The following PRKN variants were observed in gnomAD, a reference collection of about 807,000 sequenced individuals.
PRKN encodes E3 ubiquitin-protein ligase parkin.
A neutral mutation model predicts 59.5 loss-of-function variants in PRKN; 56 were observed. The ratio of observed to expected loss-of-function variants is 0.94; its 90% CI spans 0.76 to 1.18. The LOEUF is 1.18. Among genes scored for constraint, PRKN ranks in the 50% most tolerant of loss-of-function variants. PRKN has a pLI of 0.00. For synonymous variants in PRKN, 250 were observed against 222.1 expected (o/e 1.13, Z -1.12); for missense variants, 657 against 596.4 (o/e 1.10, Z -1.06).
rs1453293618 is a variant in PRKN at position 161,566,556 on chromosome 6, GCCA to G, written c.933+2796_933+2798del. Among the ~76,000 whole-genome samples, 7 of 151,914 alleles carry G rather than the reference GCCA, an allele frequency of 4.6e-5. No individual in the cohort carries two copies. Among genetic ancestry groups the G allele is most frequent in the African/African-American group, 7.3e-5 (3 of 41,366 alleles). Reference sequence around the variant, plus strand: ...TGAGTAGCTGAGATTACAGGCGCCCGCCACCACACCCAGCTAACTTCTGTATTT... The same window carrying G: ...TGAGTAGCTGAGATTACAGGCGCCCGCCACACCCAGCTAACTTCTGTATTT... On this transcript the variant is annotated intron_variant, in intron 8 of 11. Transcript: ENST00000366898. This position sits in a 1 kb window ranked among gnomAD's most constrained non-coding sequence, Gnocchi z 4.1.
At chr6:162,227,796 C>A (rs1190828231) in intron 3 of PRKN, among the ~76,000 whole-genome samples, 1 of 152,116 alleles carries the variant, frequency 6.6e-6, no homozygotes, top group Admixed American at 6.5e-5. Flanking sequence ...TGCATTCTCA[C>A]CATCCCTAGT....
chr6:162,722,191 T>G (rs1381883648), intron 1 of PRKN, among the ~76,000 whole-genome samples: 1 of 152,182 alleles, frequency 6.6e-6, no homozygotes, highest in Non-Finnish European at 1.5e-5. Flanking sequence ...ATCTAATACA[T>G]ATGGTATAAA....
intron 7 of PRKN, chr6:161,716,010 G>T (rs1583045588): frequency 1.2e-6 from 1 of 851,526 alleles, no homozygotes; most frequent in East Asian, 5.4e-5. Flanking sequence ...TATTTAACAA[G>T]CTCTTCTGGG....
At chr6:162,233,324 G>C (rs6455804) in intron 3 of PRKN, among the ~76,000 whole-genome samples, 63,313 of 151,782 alleles carry the variant, frequency 0.42, 15,047 homozygotes, top group East Asian at 0.78. Flanking sequence ...GATACATTAA[G>C]GAATGTATTG....
chr6:161,359,964 A>G lies in PRKN; in HGVS notation c.1285+124T>C. The G allele has an allele frequency of 2.6e-6, 2 of 769,984 alleles. No homozygotes were observed. Among genetic ancestry groups the G allele is most frequent in the Non-Finnish European group, 4.7e-6 (2 of 422,698 alleles). The allele number at this position is 769,984 out of a possible 1,614,324, so 47.7% of individuals were successfully genotyped here. ...TAGTGATAATGGGTAACATTAATCG[A>G]GGGGTTACCCAACACACCAGGCACC... On this transcript the variant is annotated intron_variant, in intron 11 of 11. Coordinates refer to ENST00000366898, the MANE Select transcript of PRKN (RefSeq NM_004562.3). The surrounding 1 kb of genome is among the most constrained non-coding windows in gnomAD (Gnocchi z 5.4).
chr6:162,170,807 G>T (rs1448713123), intron 4 of PRKN, among the ~76,000 whole-genome samples: 1 of 152,128 alleles, frequency 6.6e-6, no homozygotes, highest in Non-Finnish European at 1.5e-5. Context: ...TACACGAATG[G>T]GCTGCACAGG....
intron 1 of PRKN, among the ~76,000 whole-genome samples, chr6:162,535,930 G>A (rs1367643259): frequency 2.0e-5 from 3 of 151,554 alleles, no homozygotes; most frequent in Non-Finnish European, 4.4e-5. Flanking sequence ...AAAGAATTTG[G>A]TCTGAGCCTG....
chr6:162,599,375 G>A (rs926356021), intron 1 of PRKN, among the ~76,000 whole-genome samples: 1 of 152,060 alleles, frequency 6.6e-6, no homozygotes, highest in African/African-American at 2.4e-5. Context: ...GACCTCACAA[G>A]CAGGACAGGT....
intron 1 of PRKN, among the ~76,000 whole-genome samples, chr6:162,601,674 T>C (rs1455868921): frequency 6.6e-6 from 1 of 152,214 alleles, no homozygotes; most frequent in African/African-American, 2.4e-5. Context: ...TTTTCATATA[T>C]GAGCAGTACA....
At chr6:161,748,953 C>A (rs1788554941) in intron 7 of PRKN, among the ~76,000 whole-genome samples, 1 of 152,164 alleles carries the variant, frequency 6.6e-6, no homozygotes, top group Admixed American at 6.5e-5. Flanking sequence ...AAAGACCAGA[C>A]AAAGCGAAAC....
intron 3 of PRKN, among the ~76,000 whole-genome samples, chr6:162,251,984 C>G (rs1390941828): frequency 6.6e-6 from 1 of 152,146 alleles, no homozygotes; most frequent in Non-Finnish European, 1.5e-5. Flanking sequence ...TTATCATAAA[C>G]TCTGAGAGTA....
chr6:162,373,121 G>A (rs527622616), intron 2 of PRKN, among the ~76,000 whole-genome samples: 21 of 150,568 alleles, frequency 1.4e-4, no homozygotes, highest in Admixed American at 6.6e-4. Context: ...AATGAGACCT[G>A]AATAACTGGA....
chr6:162,113,927 A>C (rs1780553145), intron 4 of PRKN, among the ~76,000 whole-genome samples: 1 of 152,044 alleles, frequency 6.6e-6, no homozygotes, highest in Non-Finnish European at 1.5e-5. Flanking sequence ...TCAGCTTTCT[A>C]CATATGGCTA....
At chr6:162,519,112 G>A (rs1217880050) in intron 1 of PRKN, among the ~76,000 whole-genome samples, 4 of 152,138 alleles carry the variant, frequency 2.6e-5, no homozygotes, top group African/African-American at 4.8e-5. Context: ...GGAAGTTGCA[G>A]TGAACCGAGA....
intron 7 of PRKN, among the ~76,000 whole-genome samples, chr6:161,595,292 G>A (rs541010822): frequency 2.6e-5 from 4 of 152,170 alleles, no homozygotes; most frequent in South Asian, 2.1e-4. Context: ...ACAAACCACC[G>A]ACAACAAGAT....
intron 1 of PRKN, among the ~76,000 whole-genome samples, chr6:162,693,372 A>G (rs1415740055): frequency 2.0e-5 from 3 of 152,230 alleles, no homozygotes; most frequent in Non-Finnish European, 4.4e-5. Context: ...TAAGAATCAA[A>G]GAAGCATGTT....
At chr6:162,282,984 TTC>T (rs964407541) in intron 2 of PRKN, among the ~76,000 whole-genome samples, 86 of 151,994 alleles carry the variant, frequency 5.7e-4, no homozygotes, top group African/African-American at 1.9e-3. Context: ...CTTTCTTTCT[TTC>T]TCTCTCTCTT....
At position 162,105,862 on chromosome 6, in the gene PRKN, C is replaced by T. The variant is rs148832081; in HGVS notation, c.535-51688G>A. Among the ~76,000 whole-genome samples the T allele has an allele frequency of 3.5e-3, 527 of 152,292 alleles. 2 individuals are homozygous for T. The highest frequency in any genetic ancestry group is 0.012 in the African/African-American group (493 of 41,554). On this transcript the variant is annotated intron_variant, in intron 4 of 11. Transcript: ENST00000366898. The stretch of plus-strand genomic sequence containing the variant: ...ATAAGATTTTTAGTAACTGATATCT[C>T]CTATAAACTCTGAGGTTTGGAACAT...
rs1788565722 is a variant in PRKN, at chr6:161,429,958, C to A, written c.1084-43081G>T. On this transcript the variant is annotated intron_variant, in intron 9 of 11. Coordinates refer to ENST00000366898, the MANE Select transcript of PRKN (RefSeq NM_004562.3). This position sits in a 1 kb window ranked among gnomAD's most constrained non-coding sequence, Gnocchi z 4.2. Reference sequence around the variant, plus strand: ...AGGTTCCTGGGTCAGAGACAAAGGACCATGCATTATTTACAGCAATATCTT... The same window carrying A: ...AGGTTCCTGGGTCAGAGACAAAGGAACATGCATTATTTACAGCAATATCTT... 6.6e-6 allele frequency among the ~76,000 whole-genome samples: 1 copy of A among 152,174 alleles called. No individual in the cohort carries two copies. Among genetic ancestry groups the A allele is most frequent in the Non-Finnish European group, 1.5e-5 (1 of 68,042 alleles).
Sources: allele counts gnomAD v4.1 joint callset (sites outside exome capture counted in the v4.1 genomes callset), GRCh38; gene constraint gnomAD v4.1.1; non-coding constraint Gnocchi (gnomAD v3.1); transcripts MANE v1.5; gene names NCBI Gene and HGNC (gene_info 2026-07-23, HGNC 2026-07-21).